Variants in BTBD9 observed in about 807,000 individuals in gnomAD.
BTBD9 encodes the protein BTB/POZ domain-containing protein 9.
Under a neutral mutation model 64.3 loss-of-function variants are expected in BTBD9, and 49 were observed. That is an observed-to-expected ratio of 0.76 (90% CI 0.61 to 0.97). BTBD9 has a LOEUF of 0.97. Among genes scored for constraint, BTBD9 ranks in the 50% least tolerant of loss-of-function variants. The probability of loss-of-function intolerance (pLI) is 0.00; values close to 1 mark genes in which losing one functional copy is unlikely to be tolerated. For synonymous variants in BTBD9, 260 were observed against 274.7 expected, an observed-to-expected ratio of 0.95 and a Z score of 0.53; for missense variants, 598 against 762.1, an observed-to-expected ratio of 0.78 and a Z score of 2.53.
At chr6:38,633,382 G>T (rs1778425246) in intron 1 of BTBD9, among the ~76,000 whole-genome samples, 1 of 152,202 alleles carries the variant, frequency 6.6e-6, no homozygotes. Context: ...GTAAAATGGA[G>T]ATAATGTCAA....
chr6:38,526,810 C>T (rs1773516914), intron 6 of BTBD9, among the ~76,000 whole-genome samples: 2 of 152,124 alleles, frequency 1.3e-5, no homozygotes, highest in East Asian at 1.9e-4. Flanking sequence ...TGCCTGTATC[C>T]CCATTGTATC....
Position 38,309,242 on chromosome 6 carries a change from C to T in BTBD9, c.1265-20781G>A, listed in dbSNP as rs555628177. ...AAAATTAGCTGGGCGTGGTGGTGGGCGCCTATAATCCCAGCTACTTGGAAG... is the reference window on the plus strand; with the variant it reads ...AAAATTAGCTGGGCGTGGTGGTGGGTGCCTATAATCCCAGCTACTTGGAAG... On this transcript the variant is annotated intron_variant, in intron 7 of 10. Transcript: ENST00000481247. Among the ~76,000 whole-genome samples the T allele has an allele frequency of 4.1e-3, 621 of 150,128 alleles. 6 individuals are homozygous for T. Among genetic ancestry groups the T allele is most frequent in the African/African-American group, 0.015 (597 of 41,014 alleles).
In BTBD9 at chr6:38,558,444, G is replaced by A. The variant is rs1164659619; in HGVS notation, c.1154+19156C>T. Among the ~76,000 whole-genome samples the A allele has an allele frequency of 3.9e-5, 6 of 152,108 alleles. No individual in the cohort carries two copies. In the East Asian group the frequency reaches 9.6e-4, roughly 24 times the overall value. ...ACCTTCAGTACTATGTTGAATAGGC[G>A]TGGTGAGAGTGGACATCCTTTCTTT... On this transcript the variant is annotated intron_variant, in intron 6 of 10. Coordinates refer to ENST00000481247, the MANE Select transcript of BTBD9 (RefSeq NM_001099272.2).
At chr6:38,430,528 T>G (rs775218062) in intron 6 of BTBD9, among the ~76,000 whole-genome samples, 1 of 150,762 alleles carries the variant, frequency 6.6e-6, no homozygotes, top group African/African-American at 2.5e-5. Context: ...AAAAAAATTT[T>G]TTTTTGAGAC....
chr6:38,596,749 C>G lies in BTBD9; in HGVS notation c.185+1161G>C, dbSNP rs569777965. 6.1e-5 allele frequency among the ~76,000 whole-genome samples: 9 copies of G among 146,874 alleles called. 1 individual carries two copies. Among genetic ancestry groups the G allele is most frequent in the Admixed American group, 5.5e-4 (8 of 14,466 alleles). Reference sequence around the variant, plus strand: ...CCGGGAGGCGGAGCTTGCAGTGAGCCGAGATCGCGCCACTGCACTCCAGCC... The same window carrying G: ...CCGGGAGGCGGAGCTTGCAGTGAGCGGAGATCGCGCCACTGCACTCCAGCC... On this transcript the variant is annotated intron_variant, in intron 2 of 10. Coordinates refer to ENST00000481247, the MANE Select transcript of BTBD9 (RefSeq NM_001099272.2).
chr6:38,380,284 A>C (rs1765876261), intron 6 of BTBD9, among the ~76,000 whole-genome samples: 1 of 152,208 alleles, frequency 6.6e-6, no homozygotes. Context: ...ATTCTTACTA[A>C]AGGAAATTCT....
At chr6:38,248,800 A>C (rs1764294091) in intron 9 of BTBD9, among the ~76,000 whole-genome samples, 1 of 152,258 alleles carries the variant, frequency 6.6e-6, no homozygotes, top group Non-Finnish European at 1.5e-5. Context: ...AAAAGGTTGC[A>C]AATTGGAGAG....
intron 6 of BTBD9, among the ~76,000 whole-genome samples, chr6:38,499,186 T>C (rs1772088656): frequency 6.6e-6 from 1 of 151,998 alleles, no homozygotes; most frequent in Non-Finnish European, 1.5e-5. Context: ...ATTAAGCACT[T>C]TTGTCTCATC....
chr6:38,498,720 G>A (rs1032110167), intron 6 of BTBD9, among the ~76,000 whole-genome samples: 1 of 152,036 alleles, frequency 6.6e-6, no homozygotes, highest in Non-Finnish European at 1.5e-5. Flanking sequence ...AGAAGCCCCG[G>A]ACCACTCCTC....
At chr6:38,315,443 C>T (rs1013695887) in intron 7 of BTBD9, among the ~76,000 whole-genome samples, 3 of 151,742 alleles carry the variant, frequency 2.0e-5, no homozygotes, top group Non-Finnish European at 4.4e-5. Flanking sequence ...TCTTTTAGTA[C>T]CGCTTTCGCT....
At chr6:38,419,831 C>T (rs1402766882) in intron 6 of BTBD9, among the ~76,000 whole-genome samples, 4 of 152,128 alleles carry the variant, frequency 2.6e-5, no homozygotes, top group African/African-American at 4.8e-5. Context: ...GATCGCGACA[C>T]TGCACTCCAC....
At chr6:38,193,117 C>T (rs1582028770) in intron 9 of BTBD9, among the ~76,000 whole-genome samples, 1 of 152,176 alleles carries the variant, frequency 6.6e-6, no homozygotes, top group East Asian at 1.9e-4. Context: ...TTCATAAATA[C>T]ATTTCCCCAT....
chr6:38,290,373 A>G (rs757497281), intron 7 of BTBD9, among the ~76,000 whole-genome samples: 8 of 151,858 alleles, frequency 5.3e-5, no homozygotes, highest in Non-Finnish European at 7.4e-5. Flanking sequence ...TGGTACTTCT[A>G]TCTCCTGGAA....
intron 1 of BTBD9, among the ~76,000 whole-genome samples, chr6:38,610,417 T>C (rs1163618362): frequency 1.3e-5 from 2 of 152,160 alleles, no homozygotes; most frequent in Non-Finnish European, 2.9e-5. Flanking sequence ...ATGAAAGATA[T>C]TCCATGCAGA....
At chr6:38,368,368 T>A (rs1045142726) in intron 6 of BTBD9, among the ~76,000 whole-genome samples, 1 of 152,080 alleles carries the variant, frequency 6.6e-6, no homozygotes, top group Non-Finnish European at 1.5e-5. Flanking sequence ...GGAGTCTTGC[T>A]CTGTTGCCCA....
intron 6 of BTBD9, among the ~76,000 whole-genome samples, chr6:38,572,964 A>C (rs1775845627): frequency 6.6e-6 from 1 of 152,112 alleles, no homozygotes; most frequent in African/African-American, 2.4e-5. Flanking sequence ...AAAATGCGTT[A>C]ACAAATTTCA....
In BTBD9 at chr6:38,345,075, C is replaced by T; in HGVS notation, c.1173G>A (p.Gly391=). Residue 391 remains glycine, a synonymous_variant, in exon 7 of 11, where the codon GGG becomes GGA. Transcript: ENST00000481247. ...ARVCRYIRIV[G]THNTVNKIFH... is the part of the protein sequence containing the mutation. ...AAATCTTGTTCACTGTGTTGTGAGT[C>T]CCAACAATTCGAATATACCTGACGG... The T allele has an allele frequency of 6.2e-7, 1 of 1,604,572 alleles. No individual in the cohort carries two copies. The highest frequency in any genetic ancestry group is 1.1e-5 in the South Asian group (1 of 90,014).
intron 6 of BTBD9, among the ~76,000 whole-genome samples, chr6:38,442,428 C>T: frequency 6.6e-6 from 1 of 151,910 alleles, no homozygotes; most frequent in Non-Finnish European, 1.5e-5. Flanking sequence ...CAAGATCACG[C>T]CACTGCATTC....
chr6:38,213,228 C>T (rs1273518421), intron 9 of BTBD9, among the ~76,000 whole-genome samples: 1 of 152,074 alleles, frequency 6.6e-6, no homozygotes, highest in Non-Finnish European at 1.5e-5. Context: ...GATCTAATGA[C>T]AAGCCAAATT....
Sources: gnomAD v4.1 joint callset for allele counts (sites outside exome capture counted in the v4.1 genomes callset) on GRCh38, gnomAD v4.1.1 for gene constraint, MANE v1.5 for transcripts, NCBI Gene and HGNC (gene_info 2026-07-23, HGNC 2026-07-21) for gene names.